The following NRF1 variants were observed in gnomAD, a reference collection of about 807,000 sequenced individuals.
NRF1 encodes alpha palindromic-binding protein.
A neutral mutation model predicts 58.5 loss-of-function variants in NRF1; 5 were observed. The ratio of observed to expected loss-of-function variants is 0.09; its 90% CI spans 0.04 to 0.18. NRF1 has a LOEUF of 0.18. NRF1 is among the 10% of genes least tolerant of loss of function. The probability of loss-of-function intolerance (pLI) is 1.00; values close to 1 mark genes in which losing one functional copy is unlikely to be tolerated. For missense variants in NRF1, 288 were observed against 657.7 expected (o/e 0.44, Z 6.15); for synonymous variants, 224 against 246.7 (o/e 0.91, Z 0.86).
intron 5 of NRF1, among the ~76,000 whole-genome samples, chr7:129,707,374 G>C (rs969265800): frequency 2.0e-5 from 3 of 152,164 alleles, no homozygotes; most frequent in Non-Finnish European, 2.9e-5. Flanking sequence ...TGAATATAAA[G>C]AATTCTCCTT....
At chr7:129,725,045 T>TA (rs1308071362) in intron 9 of NRF1, among the ~76,000 whole-genome samples, 1 of 152,016 alleles carries the variant, frequency 6.6e-6, no homozygotes, top group Non-Finnish European at 1.5e-5. Flanking sequence ...ATCCCATCTC[T>TA]AAAAAAATAA....
At chr7:129,626,228 A>G (rs755376330) in intron 1 of NRF1, among the ~76,000 whole-genome samples, 1 of 152,190 alleles carries the variant, frequency 6.6e-6, no homozygotes, top group South Asian at 2.1e-4. Flanking sequence ...AACTCATTCA[A>G]TGTTGCCTTC....
intron 1 of NRF1, among the ~76,000 whole-genome samples, chr7:129,619,350 T>C (rs1584576429): frequency 2.8e-5 from 3 of 108,732 alleles, no homozygotes; most frequent in South Asian, 3.0e-4. Flanking sequence ...TCGTATCTAT[T>C]AAAAAAAAAA....
chr7:129,689,177 G>A (rs1174180234), intron 4 of NRF1, among the ~76,000 whole-genome samples: 1 of 152,138 alleles, frequency 6.6e-6, no homozygotes, highest in East Asian at 1.9e-4. Flanking sequence ...TGACCTATTT[G>A]GAGGATTCTT....
chr7:129,644,193 G>A (rs1801355802), intron 1 of NRF1, among the ~76,000 whole-genome samples: 1 of 152,150 alleles, frequency 6.6e-6, no homozygotes, highest in African/African-American at 2.4e-5. Context: ...CAGTCTTTCA[G>A]TATACACTTA....
rs34163578 is a variant in NRF1, at chr7:129,642,751, TAA to T, written c.-6-14590_-6-14589del. ...GTCACTTCTAAAAGAATACATTCTT[TAA>T]AAAATTTTTTTTTTTTTTTTTTTAA... On this transcript the variant is annotated intron_variant, in intron 1 of 10. Coordinates refer to ENST00000393232, the MANE Select transcript of NRF1 (RefSeq NM_005011.5). 1.1e-3 allele frequency among the ~76,000 whole-genome samples: 155 copies of T among 143,620 alleles called. 1 individual carries two copies. The highest frequency in any genetic ancestry group is 3.0e-3 in the East Asian group (12 of 4,032). The allele number at this position is 143,620 out of a possible 152,430, so 94.2% of individuals were successfully genotyped here. A position where few individuals can be genotyped will look rare whatever the true frequency, so the allele number is the denominator to read the frequency against.
chr7:129,732,844 T>A (rs1479880527), intron 10 of NRF1, among the ~76,000 whole-genome samples: 1 of 152,118 alleles, frequency 6.6e-6, no homozygotes, highest in South Asian at 2.1e-4. Flanking sequence ...TCAGGTGATC[T>A]GCCCGCCTCA....
At chr7:129,664,503 G>A (rs568007203) in intron 2 of NRF1, among the ~76,000 whole-genome samples, 4 of 152,146 alleles carry the variant, frequency 2.6e-5, no homozygotes, top group Non-Finnish European at 4.4e-5. Flanking sequence ...GTGTATTTCC[G>A]GAGTGGTGAA....
At chr7:129,713,596 G>GT (rs1803124936) in intron 8 of NRF1, among the ~76,000 whole-genome samples, 1 of 152,176 alleles carries the variant, frequency 6.6e-6, no homozygotes, top group Non-Finnish European at 1.5e-5. Context: ...TTTGAGCCCT[G>GT]TGCCAGGCAC....
intron 8 of NRF1, among the ~76,000 whole-genome samples, chr7:129,712,256 G>A (rs1803090780): frequency 6.6e-6 from 1 of 152,168 alleles, no homozygotes; most frequent in South Asian, 2.1e-4. Context: ...CATTACCTAG[G>A]CTCTGAGCCA....
intron 1 of NRF1, among the ~76,000 whole-genome samples, chr7:129,613,918 T>A (rs1315408842): frequency 6.6e-6 from 1 of 152,010 alleles, no homozygotes; most frequent in Non-Finnish European, 1.5e-5. Context: ...CGAGACTTCA[T>A]CTAAAAAAAC....
chr7:129,684,090 G>C (rs1802390476), intron 4 of NRF1, among the ~76,000 whole-genome samples: 1 of 151,960 alleles, frequency 6.6e-6, no homozygotes, highest in Admixed American at 6.6e-5. Context: ...GGAAAAGAAA[G>C]AAACTCCATC....
intron 1 of NRF1, among the ~76,000 whole-genome samples, chr7:129,643,451 A>G (rs1470829990): frequency 2.0e-5 from 3 of 152,200 alleles, no homozygotes; most frequent in African/African-American, 7.2e-5. Flanking sequence ...TAATCCTGCT[A>G]TCACACATGG....
At chr7:129,621,291 A>G (rs1033044438) in intron 1 of NRF1, among the ~76,000 whole-genome samples, 1 of 152,232 alleles carries the variant, frequency 6.6e-6, no homozygotes, top group South Asian at 2.1e-4. Flanking sequence ...TTCTGGGGAG[A>G]GGGTCTACAA....
chr7:129,680,503 A>G (rs578104733), intron 4 of NRF1, among the ~76,000 whole-genome samples: 2 of 152,380 alleles, frequency 1.3e-5, no homozygotes, highest in African/African-American at 4.8e-5. Context: ...CAGTGTTTAT[A>G]GCAGCATTAT....
At chr7:129,710,846 C>T (rs889538013) in intron 7 of NRF1, among the ~76,000 whole-genome samples, 2 of 151,872 alleles carry the variant, frequency 1.3e-5, no homozygotes, top group Admixed American at 1.3e-4. Flanking sequence ...TCTGTCATCA[C>T]AGCTCACTGC....
At position 129,754,700 on chromosome 7, in the gene NRF1, G is replaced by C. The variant is rs1389525844; in HGVS notation, c.1349-318G>C. Among the ~76,000 whole-genome samples, 3 of 151,978 alleles carry C rather than the reference G, an allele frequency of 2.0e-5. No homozygotes were observed. In the East Asian group the frequency reaches 5.8e-4, roughly 29 times the overall value. On this transcript the variant is annotated intron_variant, in intron 10 of 10. Coordinates refer to ENST00000393232, the MANE Select transcript of NRF1 (RefSeq NM_005011.5). Reference sequence around the variant, plus strand: ...AGATTTTGAATGTTGTCACCACAATGAATGATAAATCTTTAAAGAGATTAA... The same window carrying C: ...AGATTTTGAATGTTGTCACCACAATCAATGATAAATCTTTAAAGAGATTAA...
At chr7:129,744,065 T>C in intron 10 of NRF1, 1 of 1,003,540 alleles carries the variant, frequency 1.0e-6, no homozygotes, top group Non-Finnish European at 1.4e-6. Flanking sequence ...CTGTGCACCC[T>C]GCACCAGATG....
chr7:129,669,321 A>T (rs1280780717), intron 2 of NRF1, among the ~76,000 whole-genome samples: 3 of 152,170 alleles, frequency 2.0e-5, no homozygotes, highest in African/African-American at 7.2e-5. Context: ...ACTTCACTAT[A>T]TGCAAATTTT....
Sources: allele counts gnomAD v4.1 joint callset (sites outside exome capture counted in the v4.1 genomes callset), GRCh38; gene constraint gnomAD v4.1.1; transcripts MANE v1.5; gene names NCBI Gene and HGNC (gene_info 2026-07-23, HGNC 2026-07-21).